PI15: variants seen among roughly 807,000 people sequenced by gnomAD.
PI15 encodes the protein 25 kDa trypsin inhibitor.
Under a neutral mutation model 31.0 loss-of-function variants are expected in PI15, and 18 were observed. That is an observed-to-expected ratio of 0.58 (90% CI 0.40 to 0.86). PI15 has a LOEUF of 0.86. Among genes scored for constraint, PI15 ranks in the 40% least tolerant of loss-of-function variants. The pLI is 0.00. For missense variants in PI15, 282 were observed against 328.1 expected (o/e 0.86, Z 1.09); for synonymous variants, 118 against 119.1 (o/e 0.99, Z 0.06).
intron 2 of PI15, among the ~76,000 whole-genome samples, chr8:74,839,819 A>G (rs948652678): frequency 6.6e-6 from 1 of 152,188 alleles, no homozygotes; most frequent in Admixed American, 6.5e-5. Flanking sequence ...TCTGTAGAGT[A>G]TATTAAAGTC....
intron 2 of PI15, among the ~76,000 whole-genome samples, chr8:74,833,942 G>A (rs1360787603): frequency 1.3e-5 from 2 of 152,142 alleles, no homozygotes; most frequent in Non-Finnish European, 1.5e-5. Context: ...CCTGAGCTCC[G>A]CCTCCTGTCA....
chr8:74,836,734 C>G (rs1441896048), intron 2 of PI15, among the ~76,000 whole-genome samples: 3 of 152,026 alleles, frequency 2.0e-5, no homozygotes, highest in Admixed American at 2.0e-4. Flanking sequence ...AGTGGTCAGG[C>G]ATGCCAAAAG....
rs549991212 is a variant in PI15, at chr8:74,837,250, A to G, written c.274-6731A>G. Among the ~76,000 whole-genome samples, 8 of 152,210 alleles carry G rather than the reference A, an allele frequency of 5.3e-5. No homozygotes were observed. The East Asian group carries it at 1.5e-3, about 29-fold the overall frequency. On this transcript the variant is annotated intron_variant, in intron 2 of 5. Transcript: ENST00000260113. The stretch of plus-strand genomic sequence containing the variant: ...GTTGAAGGGAATGCTTTTTAAATCA[A>G]GTTTCTTTAATCCTCTCCTTCTACT...
chr8:74,828,878 T>C (rs776115450), intron 2 of PI15, among the ~76,000 whole-genome samples: 6 of 152,116 alleles, frequency 3.9e-5, no homozygotes, highest in Non-Finnish European at 5.9e-5. Flanking sequence ...TTCCTTAGTT[T>C]GTTTATAATA....
At chr8:74,830,095 G>A (rs1255396390) in intron 2 of PI15, among the ~76,000 whole-genome samples, 2 of 152,052 alleles carry the variant, frequency 1.3e-5, no homozygotes, top group African/African-American at 4.8e-5. Context: ...TAACTCCCGA[G>A]TAAGCAATGC....
chr8:74,849,009 C>A, intron 5 of PI15, 109 bp from the exon 6 acceptor site: 1 of 880,094 alleles, frequency 1.1e-6, no homozygotes, highest in Non-Finnish European at 1.7e-6. Flanking sequence ...AGCAACTTCT[C>A]AAACGGATCA....
At chr8:74,849,066 T>C (rs368284096) in intron 5 of PI15, 52 bp from the exon 6 acceptor site, 3 of 1,557,840 alleles carry the variant, frequency 1.9e-6, no homozygotes, top group African/African-American at 1.4e-5. Flanking sequence ...CAATCTACTT[T>C]TAAAAAATGG....
rs201327456 is a variant in PI15 at position 74,845,132 on chromosome 8, C to T, written c.397C>T (p.Arg133Cys). The change falls in exon 4 of 6, where the codon CGC (arginine) becomes TGC (cysteine). Residue 133 changes from arginine to cysteine, a missense_variant. Physicochemically the swap from Arg to Cys is radical, Grantham distance 180 (BLOSUM62 -3). Transcript: ENST00000260113. ...QNLSVRTGRY[R>C]SILQLVKPWY... ...CTTTCTTTTCTTTATATGCAGATAT[C>T]GCTCTATTCTCCAGTTGGTCAAGCC... 1.2e-5 allele frequency: 19 copies of T among 1,611,668 alleles called. No individual in the cohort carries two copies. The East Asian group carries it at 2.2e-4, about 19-fold the overall frequency.
chr8:74,829,366 G>A (rs752916809), intron 2 of PI15, among the ~76,000 whole-genome samples: 1 of 151,768 alleles, frequency 6.6e-6, no homozygotes, highest in Non-Finnish European at 1.5e-5. Flanking sequence ...TCTACAATTA[G>A]TTTATTGACT....
rs7835278 is a variant in PI15 at position 74,853,712 on chromosome 8, G to A, written c.*4459G>A. On this transcript the variant is annotated 3_prime_UTR_variant, in exon 6 of 6. Transcript: ENST00000260113. ...TATCATATGTTTCCTACATCTGACA[G>A]CACCTAAAATGTTTGATAATATTAA... 0.098 allele frequency: 14,929 copies of A among 152,362 alleles called. 903 individuals carry two copies. The highest frequency in any genetic ancestry group is 0.17 in the African/African-American group (7,200 of 41,432). The allele number at this position is 152,362 out of a possible 1,614,324, so 9.4% of individuals were successfully genotyped here.
intron 3 of PI15, 184 bp from the exon 4 acceptor site, chr8:74,844,944 A>T (rs994489033): frequency 5.1e-6 from 3 of 587,278 alleles, no homozygotes; most frequent in Non-Finnish European, 6.1e-6. Flanking sequence ...GGCCATTTCC[A>T]TGCTTGGCCC....
At chr8:74,837,176 AT>A (rs1195424214) in intron 2 of PI15, among the ~76,000 whole-genome samples, 1 of 152,026 alleles carries the variant, frequency 6.6e-6, no homozygotes, top group African/African-American at 2.4e-5. Context: ...TCACCTTTAT[AT>A]TTTTTGATAT....
At chr8:74,829,244 AATG>A (rs1328916608) in intron 2 of PI15, among the ~76,000 whole-genome samples, 1 of 151,890 alleles carries the variant, frequency 6.6e-6, no homozygotes, top group African/African-American at 2.4e-5. Flanking sequence ...CATCATTTAT[AATG>A]ATATTTGATT....
In PI15 at chr8:74,841,819, T is replaced by G. The variant is rs151214799; in HGVS notation, c.274-2162T>G. The stretch of plus-strand genomic sequence containing the variant: ...TCAATTTTCAACCAAAAGAAATGTT[T>G]TTTAAAGTTCATTTCATCCCCAGAA... On this transcript the variant is annotated intron_variant, in intron 2 of 5. Coordinates refer to ENST00000260113, the MANE Select transcript of PI15 (RefSeq NM_015886.5). Among the ~76,000 whole-genome samples the G allele has an allele frequency of 9.1e-4, 138 of 152,284 alleles. 1 individual carries two copies. The highest frequency in any genetic ancestry group is 3.2e-3 in the African/African-American group (134 of 41,566).
chr8:74,848,798 A>G (rs1811062461), intron 5 of PI15, among the ~76,000 whole-genome samples: 1 of 149,780 alleles, frequency 6.7e-6, no homozygotes, highest in African/African-American at 2.5e-5. Context: ...CAGTGGTGCC[A>G]TCTCAGCTCA....
At chr8:74,826,186 T>C (rs557299832) in intron 2 of PI15, 1 of 271,468 alleles carries the variant, frequency 3.7e-6, no homozygotes, top group East Asian at 1.8e-4. Context: ...TTAAATCATT[T>C]TACTTAGAAA....
At chr8:74,839,303 C>T (rs941366124) in intron 2 of PI15, among the ~76,000 whole-genome samples, 1 of 152,002 alleles carries the variant, frequency 6.6e-6, no homozygotes, top group Non-Finnish European at 1.5e-5. Context: ...TATTTTAGTC[C>T]AGAGCTAAAT....
At position 74,825,221 on chromosome 8, in the gene PI15, C is replaced by T. The variant is rs756474465; in HGVS notation, c.-29C>T. 1.1e-5 allele frequency: 17 copies of T among 1,606,302 alleles called. No individual in the cohort carries two copies. Among genetic ancestry groups the T allele is most frequent in the East Asian group, 2.2e-5 (1 of 44,774 alleles). ...TTTCTGCTTTAAAGCAAAGTAAACT[C>T]GGTGGCCTCTTCTTCTCCACCCCTC... On this transcript the variant is annotated 5_prime_UTR_variant, in exon 2 of 6. Transcript: ENST00000260113.
Position 74,852,709 on chromosome 8 carries a change from G to A in PI15, c.*3456G>A, listed in dbSNP as rs1041524106. The A allele has an allele frequency of 1.3e-5, 2 of 152,044 alleles. No individual in the cohort carries two copies. Among genetic ancestry groups the A allele is most frequent in the Admixed American group, 1.3e-4 (2 of 15,254 alleles). 9.4% of individuals were successfully genotyped at this position (152,044 alleles called of 1,614,324 possible). On this transcript the variant is annotated 3_prime_UTR_variant, in exon 6 of 6. Transcript: ENST00000260113. ...ATACCTATGTGAAACCAACTTATCTGCATAATTAAATCTAATACATATTTA... is the reference window on the plus strand; with the variant it reads ...ATACCTATGTGAAACCAACTTATCTACATAATTAAATCTAATACATATTTA...
Sources: allele counts gnomAD v4.1 joint callset (sites outside exome capture counted in the v4.1 genomes callset), GRCh38; gene constraint gnomAD v4.1.1; transcripts MANE v1.5; gene names NCBI Gene and HGNC (gene_info 2026-07-23, HGNC 2026-07-21).